The following KCNT2 variants were observed in gnomAD, a reference collection of about 807,000 sequenced individuals.
KCNT2 encodes the protein potassium channel subfamily T member 2.
Under a neutral mutation model 153.8 loss-of-function variants are expected in KCNT2, and 67 were observed. The observed-to-expected ratio is 0.44, with a 90% CI of 0.36 to 0.53. The LOEUF (loss-of-function observed/expected upper bound fraction) is 0.53, where lower values mean the gene tolerates loss of function less well. KCNT2 is among the 20% of genes least tolerant of loss of function. The probability of loss-of-function intolerance (pLI) is 0.00; values close to 1 mark genes in which losing one functional copy is unlikely to be tolerated. For missense variants in KCNT2, 975 were observed against 1,354.8 expected, an observed-to-expected ratio of 0.72 and a Z score of 4.40; for synonymous variants, 500 against 458.8, an observed-to-expected ratio of 1.09 and a Z score of -1.15.
chr1:196,368,169 T>A (rs1480138050), intron 14 of KCNT2, among the ~76,000 whole-genome samples: 1 of 152,170 alleles, frequency 6.6e-6, no homozygotes, highest in African/African-American at 2.4e-5. Context: ...ACTAATGCAA[T>A]ATTCCTTATT....
intron 1 of KCNT2, among the ~76,000 whole-genome samples, chr1:196,514,778 T>C (rs1314792941): frequency 2.6e-5 from 4 of 152,204 alleles, no homozygotes; most frequent in Admixed American, 6.6e-5. Flanking sequence ...ATGCTTTTCA[T>C]ATACTTATTA....
chr1:196,430,997 A>C (rs1384158929), intron 8 of KCNT2, among the ~76,000 whole-genome samples: 3 of 152,100 alleles, frequency 2.0e-5, no homozygotes, highest in Non-Finnish European at 4.4e-5. Context: ...TGGAGCTCTC[A>C]AGAATGGAAT....
rs565781543 is a variant in KCNT2, at chr1:196,294,213, G to T, written c.2596-8455C>A. Among the ~76,000 whole-genome samples the T allele has an allele frequency of 1.5e-3, 222 of 152,238 alleles. 1 individual carries two copies. Among genetic ancestry groups the T allele is most frequent in the African/African-American group, 5.1e-3 (212 of 41,550 alleles). ...AAAGACAAAATAAGTGTTAGCCAGAGGAGTGGAGCAAAGAGAACCCTTTGC... is the reference window on the plus strand; with the variant it reads ...AAAGACAAAATAAGTGTTAGCCAGATGAGTGGAGCAAAGAGAACCCTTTGC... On this transcript the variant is annotated intron_variant, in intron 22 of 27. Transcript: ENST00000294725.
chr1:196,356,210 A>ATT (rs1667161928), intron 14 of KCNT2, among the ~76,000 whole-genome samples: 1 of 151,734 alleles, frequency 6.6e-6, no homozygotes, highest in Admixed American at 6.6e-5. Context: ...AATAATCTTC[A>ATT]TTAGTAAAAT....
intron 25 of KCNT2, chr1:196,273,614 T>A: frequency 1.7e-6 from 1 of 597,870 alleles, no homozygotes; most frequent in South Asian, 2.2e-5. Context: ...CAAAATCCAA[T>A]TGCATGCATA....
chr1:196,243,802 T>C (rs1221130780), intron 26 of KCNT2, among the ~76,000 whole-genome samples: 9 of 152,042 alleles, frequency 5.9e-5, no homozygotes, highest in African/African-American at 1.7e-4. Context: ...GTCCTGGAGC[T>C]GTGTTGGAAT....
At chr1:196,403,216 G>A (rs1338002440) in intron 12 of KCNT2, among the ~76,000 whole-genome samples, 3 of 151,538 alleles carry the variant, frequency 2.0e-5, no homozygotes, top group African/African-American at 7.3e-5. Flanking sequence ...CCATACAATG[G>A]AATATTTGGC....
At chr1:196,415,986 A>C (rs1455810385) in intron 12 of KCNT2, among the ~76,000 whole-genome samples, 2 of 152,004 alleles carry the variant, frequency 1.3e-5, no homozygotes, top group East Asian at 3.9e-4. Flanking sequence ...ATAATATTAA[A>C]AGGAAAATTC....
chr1:196,258,144 A>G (rs1364162562), intron 26 of KCNT2, 50 bp downstream of exon 26: 1 of 1,571,550 alleles, frequency 6.4e-7, no homozygotes, highest in Admixed American at 1.8e-5. Flanking sequence ...ATTACTACTA[A>G]TGGCAAGAAA....
At chr1:196,557,869 G>A (rs938454499) in intron 1 of KCNT2, among the ~76,000 whole-genome samples, 8 of 151,178 alleles carry the variant, frequency 5.3e-5, no homozygotes, top group Non-Finnish European at 1.2e-4. Flanking sequence ...CTATTTTAAG[G>A]TGCGTCTTTT....
At chr1:196,531,811 A>G (rs1186146753) in intron 1 of KCNT2, among the ~76,000 whole-genome samples, 2 of 152,082 alleles carry the variant, frequency 1.3e-5, no homozygotes, top group Admixed American at 6.6e-5. Flanking sequence ...CAGCAATTTA[A>G]TGTAATTACA....
intron 8 of KCNT2, among the ~76,000 whole-genome samples, chr1:196,441,514 A>C (rs1047911804): frequency 4.6e-5 from 7 of 151,390 alleles, no homozygotes; most frequent in African/African-American, 1.7e-4. Context: ...TACCAAACAG[A>C]GTGCTAAGTG....
chr1:196,545,313 G>A (rs745374185), intron 1 of KCNT2, among the ~76,000 whole-genome samples: 27 of 152,014 alleles, frequency 1.8e-4, no homozygotes, highest in Admixed American at 1.1e-3. Flanking sequence ...GGAAGAATAA[G>A]ACCACCTTTG....
At chr1:196,565,630 TATC>T (rs1660018732) in intron 1 of KCNT2, among the ~76,000 whole-genome samples, 2 of 150,178 alleles carry the variant, frequency 1.3e-5, no homozygotes, top group African/African-American at 4.9e-5. Context: ...TTGTATATAT[TATC>T]ATCACTTAAA....
At position 196,431,741 on chromosome 1, in the gene KCNT2, A is replaced by T. The variant is rs144653999; in HGVS notation, c.639-1984T>A. On this transcript the variant is annotated intron_variant, in intron 8 of 27. Transcript: ENST00000294725. The stretch of plus-strand genomic sequence containing the variant: ...CTTTTAGTAAAATGTCAGAAGAGAG[A>T]AATGGATTAAAAATGCAATTTATAA... Among the ~76,000 whole-genome samples the T allele has an allele frequency of 1.4e-3, 209 of 152,194 alleles. 2 individuals are homozygous for T. The highest frequency in any genetic ancestry group is 4.9e-3 in the African/African-American group (202 of 41,554).
chr1:196,486,343 C>A (rs1679417409), intron 3 of KCNT2, among the ~76,000 whole-genome samples: 1 of 151,674 alleles, frequency 6.6e-6, no homozygotes, highest in South Asian at 2.1e-4. Flanking sequence ...AAAGCAAAAC[C>A]CAAATATATA....
intron 12 of KCNT2, among the ~76,000 whole-genome samples, chr1:196,421,729 C>T (rs1008030348): frequency 1.3e-5 from 2 of 152,048 alleles, no homozygotes; most frequent in Non-Finnish European, 2.9e-5. Context: ...CAAAGTACCA[C>T]AACCTGAATG....
intron 12 of KCNT2, among the ~76,000 whole-genome samples, chr1:196,411,688 G>C (rs1271085974): frequency 1.3e-5 from 2 of 151,704 alleles, no homozygotes; most frequent in Non-Finnish European, 2.9e-5. Context: ...TTCATTGTTA[G>C]TGCATAGGAA....
chr1:196,574,567 G>C (rs958388453), intron 1 of KCNT2, among the ~76,000 whole-genome samples: 6 of 151,662 alleles, frequency 4.0e-5, no homozygotes, highest in Non-Finnish European at 7.4e-5. Flanking sequence ...ACCTCAAGCA[G>C]AATACGTTAA....
Sources: allele counts gnomAD v4.1 joint callset (sites outside exome capture counted in the v4.1 genomes callset), GRCh38; gene constraint gnomAD v4.1.1; transcripts MANE v1.5; gene names NCBI Gene and HGNC (gene_info 2026-07-23, HGNC 2026-07-21).